Variants in QTMAN observed in about 807,000 individuals in gnomAD.
The protein encoded by QTMAN is queuosine-tRNA mannosyltransferase, also known as tRNA-queuosine alpha-mannosyltransferase.
At chr2:143,962,159 T>TA in the QTMAN span, among the ~76,000 whole-genome samples, 1 of 152,066 alleles carries the variant, frequency 6.6e-6, no homozygotes, top group Admixed American at 6.6e-5. Context: ...TGATAAGTGA[T>TA]ATATATATCA....
At chr2:144,210,079 C>T in the QTMAN span, among the ~76,000 whole-genome samples, 1 of 151,376 alleles carries the variant, frequency 6.6e-6, no homozygotes, top group Non-Finnish European at 1.5e-5. Flanking sequence ...CTGTGGGGGA[C>T]TGTGTGTGTA....
chr2:144,266,444 T>A, the QTMAN span, among the ~76,000 whole-genome samples: 2 of 152,200 alleles, frequency 1.3e-5, no homozygotes, highest in African/African-American at 4.8e-5. Context: ...TCCTTATCCA[T>A]AAAATTTTCT....
At chr2:144,275,365 CAG>C in the QTMAN span, among the ~76,000 whole-genome samples, 1 of 147,726 alleles carries the variant, frequency 6.8e-6, no homozygotes, top group African/African-American at 2.5e-5. Flanking sequence ...GCCTGGGCAA[CAG>C]AGTGAGACTA....
At chr2:144,208,202 T>C in the QTMAN span, among the ~76,000 whole-genome samples, 1 of 152,160 alleles carries the variant, frequency 6.6e-6, no homozygotes, top group African/African-American at 2.4e-5. Context: ...CTCATTGCAC[T>C]TGCCTATCTC....
the QTMAN span, among the ~76,000 whole-genome samples, chr2:144,108,695 A>G: frequency 1.3e-5 from 2 of 152,168 alleles, no homozygotes; most frequent in East Asian, 3.9e-4. Flanking sequence ...CCTTAAGCTG[A>G]TAAGCAACTT....
chr2:144,234,600 C>A, the QTMAN span, among the ~76,000 whole-genome samples: 1 of 152,102 alleles, frequency 6.6e-6, no homozygotes, highest in African/African-American at 2.4e-5. Context: ...TAGAACCAAA[C>A]GTCTACTAGT....
At chr2:144,121,339 C>T in the QTMAN span, among the ~76,000 whole-genome samples, 1 of 152,122 alleles carries the variant, frequency 6.6e-6, no homozygotes, top group East Asian at 1.9e-4. Flanking sequence ...TCATTTAACC[C>T]AAGACAAAGG....
At chr2:144,205,145 T>TA in the QTMAN span, among the ~76,000 whole-genome samples, 1 of 151,844 alleles carries the variant, frequency 6.6e-6, no homozygotes, top group African/African-American at 2.4e-5. Context: ...AAAGTATAAT[T>TA]AAAAAAAGAA....
the QTMAN span, among the ~76,000 whole-genome samples, chr2:143,996,620 C>G: frequency 2.0e-5 from 3 of 152,084 alleles, no homozygotes; most frequent in Non-Finnish European, 4.4e-5. Context: ...GAAACAAATG[C>G]TTCTCTAAGG....
the QTMAN span, among the ~76,000 whole-genome samples, chr2:144,212,424 T>C: frequency 6.6e-6 from 1 of 152,066 alleles, no homozygotes; most frequent in African/African-American, 2.4e-5. Flanking sequence ...ATGACACCAT[T>C]GCACTCCAGC....
At chr2:144,158,659 G>T in the QTMAN span, among the ~76,000 whole-genome samples, 1 of 151,890 alleles carries the variant, frequency 6.6e-6, no homozygotes, top group African/African-American at 2.4e-5. Flanking sequence ...GATAAACATT[G>T]CAACAGATAC....
the QTMAN span, among the ~76,000 whole-genome samples, chr2:144,268,459 T>G: frequency 6.6e-6 from 1 of 152,186 alleles, no homozygotes; most frequent in Non-Finnish European, 1.5e-5. Context: ...TTATAAAAGA[T>G]GCCAAAGAAT....
At chr2:144,192,380 T>C in the QTMAN span, among the ~76,000 whole-genome samples, 1 of 152,164 alleles carries the variant, frequency 6.6e-6, no homozygotes, top group Non-Finnish European at 1.5e-5. Context: ...GTACTGGGAT[T>C]ACAAACATAA....
chr2:144,053,414 G>T, the QTMAN span, among the ~76,000 whole-genome samples: 1 of 152,144 alleles, frequency 6.6e-6, no homozygotes, highest in African/African-American at 2.4e-5. Context: ...CTTAGGTTTG[G>T]TAAAATAATG....
At chr2:143,992,093 C>G in the QTMAN span, among the ~76,000 whole-genome samples, 2 of 151,898 alleles carry the variant, frequency 1.3e-5, no homozygotes, top group East Asian at 1.9e-4. Flanking sequence ...GAATAGAAAG[C>G]GGGGAAAGGT....
chr2:144,203,396 T>C, the QTMAN span, among the ~76,000 whole-genome samples: 1 of 151,950 alleles, frequency 6.6e-6, no homozygotes, highest in Non-Finnish European at 1.5e-5. Context: ...CAGAAGAAAC[T>C]CCAGTGAGAT....
the QTMAN span, among the ~76,000 whole-genome samples, chr2:144,160,114 A>G: frequency 6.6e-6 from 1 of 152,138 alleles, no homozygotes; most frequent in Non-Finnish European, 1.5e-5. Flanking sequence ...TTCTCCTCTA[A>G]AGGAGGAGAA....
At chr2:144,190,038 C>A in the QTMAN span, among the ~76,000 whole-genome samples, 4 of 152,122 alleles carry the variant, frequency 2.6e-5, no homozygotes, top group African/African-American at 7.2e-5. Flanking sequence ...GGGGTTTTAT[C>A]AGGGTGGTAA....
chr2:144,145,800 C>T, the QTMAN span: 2 of 1,328,328 alleles, frequency 1.5e-6, no homozygotes, highest in Non-Finnish European at 2.1e-6. Context: ...TCATGCTTTG[C>T]TCTTCTCTCC....
Sources: gnomAD v4.1 joint callset for allele counts (sites outside exome capture counted in the v4.1 genomes callset) on GRCh38, gnomAD v4.1.1 for gene constraint, MANE v1.5 for transcripts, NCBI Gene and HGNC (gene_info 2026-07-23, HGNC 2026-07-21) for gene names.